The following MYO9A variants were observed in gnomAD, a reference collection of about 807,000 sequenced individuals.
MYO9A encodes myosin IXA, also known as unconventional myosin-IXa.
Under a neutral mutation model 293.3 loss-of-function variants are expected in MYO9A, and 103 were observed. The observed-to-expected ratio is 0.35, with a 90% confidence interval of 0.30 to 0.41. The LOEUF is 0.41. Ranked by LOEUF, MYO9A falls within the 10% of genes least tolerant of loss-of-function variation. The pLI, the probability that MYO9A is intolerant of heterozygous loss-of-function variation, is 1.00. For missense variants in MYO9A, 2,685 were observed against 3,033.0 expected (o/e 0.89, Z 2.69); for synonymous variants, 1,001 against 1,035.7 (o/e 0.97, Z 0.64).
chr15:71,949,475 A>G (rs2059002722), intron 15 of MYO9A, among the ~76,000 whole-genome samples: 1 of 150,578 alleles, frequency 6.6e-6, no homozygotes, highest in Non-Finnish European at 1.5e-5. Flanking sequence ...TCTTCAAATA[A>G]TTTTCGACCC....
At chr15:72,076,040 A>ATGTC (rs1242786762) in intron 1 of MYO9A, among the ~76,000 whole-genome samples, 4 of 152,174 alleles carry the variant, frequency 2.6e-5, no homozygotes, top group African/African-American at 9.7e-5. Context: ...GTGGTGGCTC[A>ATGTC]TGTCTGTAAT....
In MYO9A at chr15:72,046,000, T is replaced by C. The variant is rs1406844009; in HGVS notation, c.564A>G (p.Pro188=). Reference sequence around the variant, plus strand: ...GGTTATAAATAGGAAGAAACTTGAATGGGTTAATAACTATTAGAATACTGC... The same window carrying C: ...GGTTATAAATAGGAAGAAACTTGAACGGGTTAATAACTATTAGAATACTGC... ...YVGSILIVIN[P]FKFLPIYNPK... The change falls in exon 2 of 42, where the codon CCA becomes CCG. Residue 188 remains proline (P), a synonymous_variant. Coordinates refer to ENST00000356056, the MANE Select transcript of MYO9A (RefSeq NM_006901.4). 3 of 1,614,036 alleles carry C rather than the reference T, an allele frequency of 1.9e-6. No homozygotes were observed. The highest frequency in any genetic ancestry group is 4.5e-5 in the East Asian group (2 of 44,892).
intron 12 of MYO9A, among the ~76,000 whole-genome samples, chr15:71,975,673 G>GT (rs2076127177): frequency 6.6e-6 from 1 of 151,994 alleles, no homozygotes; most frequent in African/African-American, 2.4e-5. Flanking sequence ...TCCAGAAAGG[G>GT]TCCTGCCCCA....
chr15:71,976,387 C>T (rs574730253), intron 12 of MYO9A, among the ~76,000 whole-genome samples: 1 of 152,322 alleles, frequency 6.6e-6, no homozygotes, highest in African/African-American at 2.4e-5. Flanking sequence ...CAATATAATA[C>T]TTCAAAGCAC....
chr15:71,963,099 T>C (rs1260981447), intron 13 of MYO9A, among the ~76,000 whole-genome samples: 1 of 152,170 alleles, frequency 6.6e-6, no homozygotes, highest in Non-Finnish European at 1.5e-5. Flanking sequence ...TTGTTTGTTT[T>C]TTGAGACAGG....
chr15:72,043,849 T>A (rs1332089245), intron 2 of MYO9A, among the ~76,000 whole-genome samples: 1 of 152,150 alleles, frequency 6.6e-6, no homozygotes, highest in Non-Finnish European at 1.5e-5. Context: ...ATTTCAATTA[T>A]ACCTACAAAA....
chr15:71,911,961 TTTTC>T (rs1462813668), intron 19 of MYO9A, among the ~76,000 whole-genome samples: 1 of 152,154 alleles, frequency 6.6e-6, no homozygotes, highest in Admixed American at 6.5e-5. Context: ...TCAGTCTGAA[TTTTC>T]TTTTTCCTTT....
At chr15:72,088,020 G>A (rs756600466) in intron 1 of MYO9A, among the ~76,000 whole-genome samples, 2 of 152,166 alleles carry the variant, frequency 1.3e-5, no homozygotes, top group African/African-American at 2.4e-5. Context: ...AGAGATGTCA[G>A]GGATGTGTGC....
intron 18 of MYO9A, among the ~76,000 whole-genome samples, chr15:71,920,987 C>T (rs1314111668): frequency 1.3e-5 from 2 of 152,034 alleles, no homozygotes; most frequent in East Asian, 1.9e-4. Context: ...ACTATAAAAA[C>T]GTACTAGGGG....
upstream of MYO9A, chr15:72,118,271 C>G: frequency 1.0e-5 from 3 of 299,262 alleles, no homozygotes; most frequent in Non-Finnish European, 1.2e-5. Context: ...TTCCTACGCC[C>G]CAGGCGGCCC....
chr15:72,046,305 T>C lies in MYO9A; in HGVS notation c.259A>G (p.Met87Val), dbSNP rs773354744. The change falls in exon 2 of 42, where the codon ATG becomes GTG. Residue 87 changes from methionine (M) to valine (V), a missense_variant. This residue lies in a region of MYO9A where 22 missense variants were observed against 47.2 expected (regional missense o/e 0.47). Transcript: ENST00000356056. ...TCCAGAGCCATTCGGGGCCACAGCA[T>C]CATTCGCTGAACTGGACAATCTGTT... ...NPTDCPVQRM[M>V]LWPRMALENR... The C allele has an allele frequency of 6.2e-7, 1 of 1,614,144 alleles. No individual in the cohort carries two copies. The highest frequency in any genetic ancestry group is 2.2e-5 in the East Asian group (1 of 44,880).
intron 28 of MYO9A, among the ~76,000 whole-genome samples, chr15:71,882,094 T>C (rs914126061): frequency 6.6e-6 from 1 of 152,148 alleles, no homozygotes; most frequent in Non-Finnish European, 1.5e-5. Flanking sequence ...CTGGGAAGCT[T>C]GATGATCTTT....
At position 72,046,013 on chromosome 15, in the gene MYO9A, A is replaced by G. The variant is rs1012683016; in HGVS notation, c.551T>C (p.Ile184Thr). Residue 184 changes from isoleucine (I) to threonine (T), a missense_variant, in exon 2 of 42, where the codon ATA becomes ACA. Transcript: ENST00000356056. ...AAGAAACTTGAATGGGTTAATAACT[A>G]TTAGAATACTGCCAACATAGGTATA... ...KIYTYVGSILIVINPFKFLPI... is the reference protein window; with the variant it reads ...KIYTYVGSILTVINPFKFLPI... 3.1e-6 allele frequency: 5 copies of G among 1,613,910 alleles called. No homozygotes were observed. The African/African-American group carries it at 4.0e-5, about 13-fold the overall frequency.
At chr15:71,831,389 T>G (rs569258974) in intron 39 of MYO9A, among the ~76,000 whole-genome samples, 2 of 152,354 alleles carry the variant, frequency 1.3e-5, no homozygotes, top group East Asian at 3.9e-4. Flanking sequence ...AAATATTTAT[T>G]CTCTAGTCCT....
chr15:71,859,281 T>C (rs2056011678), intron 34 of MYO9A, among the ~76,000 whole-genome samples: 1 of 152,226 alleles, frequency 6.6e-6, no homozygotes. Context: ...TCAAACAGTA[T>C]GTGTACAGTA....
chr15:72,026,288 AAAAAAAAAG>A (rs998779381), intron 4 of MYO9A, among the ~76,000 whole-genome samples: 2 of 145,134 alleles, frequency 1.4e-5, no homozygotes, highest in Non-Finnish European at 1.5e-5. Flanking sequence ...AAAAAAAAAA[AAAAAAAAAG>A]AAAGAAAAGA....
chr15:72,092,085 G>A (rs2079932216), intron 1 of MYO9A, among the ~76,000 whole-genome samples: 1 of 152,104 alleles, frequency 6.6e-6, no homozygotes, highest in African/African-American at 2.4e-5. Flanking sequence ...CATAAGATAG[G>A]GCAGGAATTC....
At chr15:72,090,466 T>A (rs979053859) in intron 1 of MYO9A, among the ~76,000 whole-genome samples, 1 of 152,168 alleles carries the variant, frequency 6.6e-6, no homozygotes, top group Non-Finnish European at 1.5e-5. Context: ...CTTCATCCTA[T>A]CAGCCTAACA....
At chr15:71,830,047 G>A (rs906997016) in intron 40 of MYO9A, 62 bp downstream of exon 40, 9 of 1,497,958 alleles carry the variant, frequency 6.0e-6, no homozygotes, top group South Asian at 2.3e-5. Flanking sequence ...ATAAAGAAAC[G>A]ATAGAAGGAA....
Sources: gnomAD v4.1 joint callset for allele counts (sites outside exome capture counted in the v4.1 genomes callset) on GRCh38, gnomAD v4.1.1 for gene constraint, gnomAD v4.1.1 regional missense constraint, MANE v1.5 for transcripts, NCBI Gene and HGNC (gene_info 2026-07-23, HGNC 2026-07-21) for gene names.